Variants in KLF5 observed in about 807,000 individuals in gnomAD.
KLF5 encodes the protein Krueppel-like factor 5.
KLF5 carries 9 observed loss-of-function variants against 36.9 expected under a neutral mutation model. That is an observed-to-expected ratio of 0.24 (90% CI 0.15 to 0.43). KLF5 has a LOEUF of 0.43. Among genes scored for constraint, KLF5 ranks in the 20% least tolerant of loss-of-function variants. The probability of loss-of-function intolerance (pLI) is 1.00; values close to 1 mark genes in which losing one functional copy is unlikely to be tolerated. For synonymous variants in KLF5, 246 were observed against 241.7 expected, an observed-to-expected ratio of 1.02 and a Z score of -0.17; for missense variants, 524 against 599.5, an observed-to-expected ratio of 0.87 and a Z score of 1.31.
At chr13:73,057,923 C>T (rs538605126), upstream of KLF5, among the ~76,000 whole-genome samples, 1 of 152,318 alleles carries the variant, frequency 6.6e-6, no homozygotes, top group Non-Finnish European at 1.5e-5. Context: ...ATTATAACAA[C>T]ATAGTAAATG....
chr13:73,057,468 C>A (rs2044589846), upstream of KLF5, among the ~76,000 whole-genome samples: 1 of 152,122 alleles, frequency 6.6e-6, no homozygotes, highest in African/African-American at 2.4e-5. Context: ...TAGTCATCAG[C>A]CATTCTCTGA....
chr13:73,064,001 T>TA (rs2044660680), intron 3 of KLF5, 118 bp downstream of exon 3: 1 of 609,062 alleles, frequency 1.6e-6, no homozygotes, highest in Admixed American at 3.3e-5. Flanking sequence ...TTTTTTTTTT[T>TA]TTTAAATAGC....
intron 1 of KLF5, 186 bp downstream of exon 1, chr13:73,059,774 T>TGGG (rs11335137): frequency 2.0e-4 from 75 of 381,392 alleles, no homozygotes; most frequent in South Asian, 4.2e-4. Context: ...TGAGAGTAAA[T>TGGG]GGGGGGGGGG....
At chr13:73,056,147 G>A (rs1406072439), upstream of KLF5, among the ~76,000 whole-genome samples, 1 of 151,196 alleles carries the variant, frequency 6.6e-6, no homozygotes, top group Non-Finnish European at 1.5e-5. Context: ...ATTTATTCCC[G>A]TAAAGATAGT....
In KLF5 at chr13:73,061,890, A is replaced by C; in HGVS notation, c.291A>C (p.Thr97=). ...QTRCEMEKYL[T]PQLPPVPIIP... ...GATGTGAAATGGAGAAGTATCTGACACCTCAGCTTCCTCCAGTTCCTATAA... is the reference window on the plus strand; with the variant it reads ...GATGTGAAATGGAGAAGTATCTGACCCCTCAGCTTCCTCCAGTTCCTATAA... Residue 97 remains threonine (T), a synonymous_variant, in exon 2 of 4, where the codon ACA becomes ACC. Coordinates refer to ENST00000377687, the MANE Select transcript of KLF5 (RefSeq NM_001730.5). 6.2e-7 allele frequency: 1 copy of C among 1,613,286 alleles called. No homozygotes were observed. Among genetic ancestry groups the C allele is most frequent in the East Asian group, 2.2e-5 (1 of 44,858 alleles).
At chr13:73,065,798 C>T (rs1446663815) in intron 3 of KLF5, among the ~76,000 whole-genome samples, 2 of 152,132 alleles carry the variant, frequency 1.3e-5, no homozygotes, top group African/African-American at 2.4e-5. Flanking sequence ...TAAAAGAGCA[C>T]AATTGCATAT....
chr13:73,067,943 C>T (rs1482424480), intron 3 of KLF5, among the ~76,000 whole-genome samples: 2 of 151,504 alleles, frequency 1.3e-5, no homozygotes, highest in Non-Finnish European at 1.5e-5. Flanking sequence ...CAGGTTCAAG[C>T]GATTCTCCTG....
Position 73,063,873 on chromosome 13 carries a change from G to A in KLF5, c.1185G>A (p.Arg395=). 6.3e-7 allele frequency: 1 copy of A among 1,599,174 alleles called. No individual in the cohort carries two copies. Among genetic ancestry groups the A allele is most frequent in the Non-Finnish European group, 8.6e-7 (1 of 1,166,616 alleles). ...TKSSHLKAHL[R]THTGEKPYKC... Reference sequence around the variant, plus strand: ...CTTCTCATTTAAAAGCTCACCTGAGGACTCACACTGGTATGTAATTTTCTT... The same window carrying A: ...CTTCTCATTTAAAAGCTCACCTGAGAACTCACACTGGTATGTAATTTTCTT... The change falls in exon 3 of 4, where the codon AGG becomes AGA. Residue 395 remains arginine (R), a synonymous_variant. Transcript: ENST00000377687.
chr13:73,070,702 G>A (rs1476968626), intron 3 of KLF5, among the ~76,000 whole-genome samples: 1 of 152,144 alleles, frequency 6.6e-6, no homozygotes, highest in African/African-American at 2.4e-5. Context: ...CAGTGCTAGG[G>A]GCTCTAGTAT....
upstream of KLF5, among the ~76,000 whole-genome samples, chr13:73,058,320 G>A (rs2044596738): frequency 6.6e-6 from 1 of 152,152 alleles, no homozygotes; most frequent in Admixed American, 6.5e-5. Context: ...AAATCCTGAA[G>A]GAGTGGGAAA....
chr13:73,074,337 C>G (rs1034332848), intron 3 of KLF5, among the ~76,000 whole-genome samples: 5 of 152,198 alleles, frequency 3.3e-5, no homozygotes, highest in Middle Eastern at 3.4e-3. Context: ...TCTGTTTCGT[C>G]AGAACTAAAC....
At chr13:73,058,314 C>A (rs1171292253), upstream of KLF5, among the ~76,000 whole-genome samples, 3 of 152,130 alleles carry the variant, frequency 2.0e-5, 1 homozygote, top group South Asian at 4.1e-4. Context: ...CAATTAAAAT[C>A]CTGAAGGAGT....
intron 1 of KLF5, among the ~76,000 whole-genome samples, chr13:73,059,990 C>G (rs574602803): frequency 6.6e-6 from 1 of 151,940 alleles, no homozygotes; most frequent in South Asian, 2.1e-4. Flanking sequence ...CCCTCCCCCC[C>G]ATCCCCATCG....
At chr13:73,061,803 G>C in intron 1 of KLF5, 58 bp from the exon 2 acceptor site, 9 of 1,534,464 alleles carry the variant, frequency 5.9e-6, no homozygotes, top group South Asian at 2.4e-5. Flanking sequence ...CCGATTGTTC[G>C]TTCTTCCCGA....
At chr13:73,054,984 T>G (rs1002005174), upstream of KLF5, 1 of 152,202 alleles carries the variant, frequency 6.6e-6, no homozygotes, top group African/African-American at 2.4e-5. Flanking sequence ...CCACTTTAGC[T>G]CAGACCTTTC....
chr13:73,066,160 G>T (rs1339087785), intron 3 of KLF5, among the ~76,000 whole-genome samples: 1 of 152,110 alleles, frequency 6.6e-6, no homozygotes, highest in Non-Finnish European at 1.5e-5. Context: ...TTGTTCATCT[G>T]GCTAAACCTG....
chr13:73,062,795 G>A, intron 2 of KLF5, 61 bp downstream of exon 2: 1 of 1,204,166 alleles, frequency 8.3e-7, no homozygotes, highest in South Asian at 1.3e-5. Context: ...GTGTGTCTGT[G>A]TGCGCGCGCG....
upstream of KLF5, chr13:73,058,910 C>T (rs1323647332): frequency 6.4e-6 from 1 of 156,064 alleles, no homozygotes; most frequent in African/African-American, 2.4e-5. Flanking sequence ...TGGCCGGCCT[C>T]GGGGCCTCGG....
At chr13:73,060,579 A>G (rs927429474) in intron 1 of KLF5, 29 of 152,292 alleles carry the variant, frequency 1.9e-4, no homozygotes, top group African/African-American at 6.5e-4. Context: ...GGCGTTTGTC[A>G]GAGATGTGAC....
Sources: gnomAD v4.1 joint callset for allele counts (sites outside exome capture counted in the v4.1 genomes callset) on GRCh38, gnomAD v4.1.1 for gene constraint, MANE v1.5 for transcripts, NCBI Gene and HGNC (gene_info 2026-07-23, HGNC 2026-07-21) for gene names.